The following MTERF4 variants were observed in gnomAD, a reference collection of about 807,000 sequenced individuals.
MTERF4 encodes the protein transcription termination factor 4, mitochondrial.
A neutral mutation model predicts 22.5 loss-of-function variants in MTERF4; 17 were observed. The observed-to-expected ratio is 0.75, with a 90% CI of 0.52 to 1.13. MTERF4 has a LOEUF of 1.13. Ranked by LOEUF, MTERF4 falls within the 50% of genes most tolerant of loss-of-function variation. MTERF4 has a pLI of 0.00. For missense variants in MTERF4, 420 were observed against 466.8 expected, an observed-to-expected ratio of 0.90 and a Z score of 0.92; for synonymous variants, 165 against 175.3, an observed-to-expected ratio of 0.94 and a Z score of 0.47.
At chr2:241,068,016 C>A, downstream of MTERF4, 1 of 1,421,380 alleles carries the variant, frequency 7.0e-7, no homozygotes, top group East Asian at 2.4e-5. This position sits in a 1 kb window ranked among gnomAD's most constrained non-coding sequence, Gnocchi z 5.3. Context: ...ACACGGGGCC[C>A]AGGTCTCGGG....
chr2:241,072,194 C>T lies in MTERF4; in HGVS notation n.3968G>A, dbSNP rs765970766. ...GAGACATTACAGCAGCTTTATTTGCCAAAGTAGGGCTCTGAGCTTTGTTTT... is the reference window on the plus strand; with the variant it reads ...GAGACATTACAGCAGCTTTATTTGCTAAAGTAGGGCTCTGAGCTTTGTTTT... On this transcript the variant is annotated non_coding_transcript_exon_variant, in exon 5 of 5. Coordinates refer to the MTERF4 transcript ENST00000464344. 2.0e-5 allele frequency: 12 copies of T among 593,080 alleles called. No individual in the cohort carries two copies. In the East Asian group the frequency reaches 3.8e-4, roughly 19 times the overall value. 36.7% of individuals were successfully genotyped at this position (593,080 alleles called of 1,614,324 possible).
the MTERF4 span, among the ~76,000 whole-genome samples, chr2:241,054,441 T>G: frequency 6.6e-6 from 1 of 152,180 alleles, no homozygotes; most frequent in African/African-American, 2.4e-5. Flanking sequence ...TGGTGGCACA[T>G]GCCTGTAGTC....
At chr2:241,046,729 GT>G in the MTERF4 span, among the ~76,000 whole-genome samples, 1 of 152,222 alleles carries the variant, frequency 6.6e-6, no homozygotes. Flanking sequence ...TGTGGTGGGG[GT>G]TAAACAAATC....
the MTERF4 span, among the ~76,000 whole-genome samples, chr2:241,058,209 A>G: frequency 1.3e-5 from 2 of 152,338 alleles, no homozygotes; most frequent in Non-Finnish European, 2.9e-5. Context: ...GGTGTCTCTC[A>G]ATGATAATTG....
downstream of MTERF4, among the ~76,000 whole-genome samples, chr2:241,070,428 C>T (rs1341499334): frequency 6.6e-6 from 1 of 152,268 alleles, no homozygotes; most frequent in Non-Finnish European, 1.5e-5. Flanking sequence ...ATAATAAGCA[C>T]ATTGAGCCTC....
chr2:241,073,260 T>C lies in MTERF4; in HGVS notation n.2902A>G, dbSNP rs1425096623. 6.4e-7 allele frequency: 1 copy of C among 1,553,610 alleles called. No individual in the cohort carries two copies. Among genetic ancestry groups the C allele is most frequent in the Non-Finnish European group, 8.7e-7 (1 of 1,148,722 alleles). ...CGCCGTGTGGTCACCGCCTGGCTTC[T>C]CCTAGAACCCACAGCCTCGGCGCAG... On this transcript the variant is annotated non_coding_transcript_exon_variant, in exon 5 of 5. Transcript: ENST00000464344. The surrounding 1 kb of genome is among the most constrained non-coding windows in gnomAD (Gnocchi z 6.6).
chr2:241,080,207 C>G (rs1277205045), intron 4 of MTERF4, among the ~76,000 whole-genome samples: 1 of 152,098 alleles, frequency 6.6e-6, no homozygotes, highest in East Asian at 1.9e-4. Flanking sequence ...TCACTTGAAC[C>G]CAGGAGGCAG....
At chr2:241,059,607 C>G in the MTERF4 span, among the ~76,000 whole-genome samples, 8 of 151,970 alleles carry the variant, frequency 5.3e-5, no homozygotes, top group African/African-American at 1.4e-4. Flanking sequence ...GGATTTTTCT[C>G]AAGGACACAG....
chr2:241,042,893 G>C, the MTERF4 span, among the ~76,000 whole-genome samples: 2 of 152,176 alleles, frequency 1.3e-5, no homozygotes, highest in South Asian at 4.1e-4. Context: ...TAGGATCCAC[G>C]TATCTGGAGT....
downstream of MTERF4, chr2:241,068,085 G>T (rs2125219430): frequency 1.2e-6 from 1 of 832,430 alleles, no homozygotes; most frequent in Admixed American, 2.8e-5. This position sits in a 1 kb window ranked among gnomAD's most constrained non-coding sequence, Gnocchi z 5.3. Flanking sequence ...GGAGACAAAG[G>T]TCTCAGGTGA....
chr2:241,090,641 C>A (rs148874445), downstream of MTERF4, among the ~76,000 whole-genome samples: 1 of 152,082 alleles, frequency 6.6e-6, no homozygotes, highest in South Asian at 2.1e-4. Flanking sequence ...CCGAGGCCGG[C>A]GGATCACTTG....
At chr2:241,083,068 C>T (rs1017419072), downstream of MTERF4, among the ~76,000 whole-genome samples, 1 of 151,172 alleles carries the variant, frequency 6.6e-6, no homozygotes, top group African/African-American at 2.4e-5. Context: ...AGACAACAGA[C>T]AGCAGTGAGA....
At chr2:241,054,128 G>C in the MTERF4 span, among the ~76,000 whole-genome samples, 1 of 93,314 alleles carries the variant, frequency 1.1e-5, no homozygotes, top group African/African-American at 6.7e-5. Context: ...TTCCTTCTGG[G>C]ATTTCAAGCC....
the MTERF4 span, among the ~76,000 whole-genome samples, chr2:241,046,726 G>A: frequency 6.6e-6 from 1 of 152,172 alleles, no homozygotes; most frequent in Non-Finnish European, 1.5e-5. Context: ...GACTGTGGTG[G>A]GGGTTAAACA....
At chr2:241,052,084 C>T in the MTERF4 span, 4 of 1,613,808 alleles carry the variant, frequency 2.5e-6, no homozygotes, top group African/African-American at 1.3e-5. Flanking sequence ...ACAACGGCGG[C>T]ACCTGCTTCC....
chr2:241,095,097 G>A (rs577552461), downstream of MTERF4: 4 of 141,668 alleles, frequency 2.8e-5, no homozygotes, highest in Admixed American at 7.3e-5. Flanking sequence ...GGGGGGTCAC[G>A]GATTGCTCCC....
At chr2:241,097,577 C>A in intron 2 of MTERF4, 150 bp from the exon 3 acceptor site, 1 of 692,914 alleles carries the variant, frequency 1.4e-6, no homozygotes, top group Non-Finnish European at 2.4e-6. Flanking sequence ...TCTATCTTCC[C>A]AGAAGCACCA....
downstream of MTERF4, chr2:241,086,965 A>G (rs541292850): frequency 2.5e-5 from 4 of 157,106 alleles, no homozygotes; most frequent in South Asian, 2.0e-4. Flanking sequence ...CTGTTCTACA[A>G]TGCCTACATC....
chr2:241,070,952 G>A (rs1380462313), downstream of MTERF4, among the ~76,000 whole-genome samples: 7 of 152,214 alleles, frequency 4.6e-5, no homozygotes, highest in African/African-American at 4.8e-5. Context: ...CTGGGGACAC[G>A]AAGTGCATAA....
Sources: allele counts gnomAD v4.1 joint callset (sites outside exome capture counted in the v4.1 genomes callset), GRCh38; gene constraint gnomAD v4.1.1; non-coding constraint Gnocchi (gnomAD v3.1); transcripts MANE v1.5; gene names NCBI Gene and HGNC (gene_info 2026-07-23, HGNC 2026-07-21).